Variants in CFAP97 observed in about 807,000 individuals in gnomAD.
The protein encoded by CFAP97 is cilia- and flagella-associated protein 97.
CFAP97 carries 36 observed loss-of-function variants against 43.1 expected under a neutral mutation model. That is an observed-to-expected ratio of 0.84 (90% confidence interval 0.64 to 1.10). The LOEUF is 1.10. Among genes scored for constraint, CFAP97 ranks in the 50% least tolerant of loss-of-function variants. The probability of loss-of-function intolerance (pLI) is 0.00; values close to 1 mark genes in which losing one functional copy is unlikely to be tolerated. For missense variants in CFAP97, 657 were observed against 620.3 expected, an observed-to-expected ratio of 1.06 and a Z score of -0.63; for synonymous variants, 228 against 225.7, an observed-to-expected ratio of 1.01 and a Z score of -0.09.
chr4:185,206,660 CAAAA>C (rs375061067), upstream of CFAP97, among the ~76,000 whole-genome samples: 3 of 77,438 alleles, frequency 3.9e-5, no homozygotes, highest in African/African-American at 1.0e-4. Context: ...ACTCTTGTCT[CAAAA>C]AAAAAAAAAA....
chr4:185,180,313 C>T (rs1735732510), intron 2 of CFAP97, among the ~76,000 whole-genome samples: 1 of 152,102 alleles, frequency 6.6e-6, no homozygotes, highest in Non-Finnish European at 1.5e-5. Flanking sequence ...TTTAAGTATA[C>T]AGTTCAGTGG....
chr4:185,183,640 T>C (rs753311557), intron 2 of CFAP97, among the ~76,000 whole-genome samples: 1 of 152,238 alleles, frequency 6.6e-6, no homozygotes, highest in Non-Finnish European at 1.5e-5. Context: ...TGAATGATAA[T>C]TTTGAAAAAT....
In CFAP97 at chr4:185,190,233, T is replaced by C; in HGVS notation, c.964A>G (p.Lys322Glu). The change falls in exon 2 of 5, where the codon AAG becomes GAG. Residue 322 changes from lysine (K) to glutamate (E), a missense_variant. Coordinates refer to ENST00000458385, the MANE Select transcript of CFAP97 (RefSeq NM_020827.3). ...CTGGAGTCTAACACTGAAGACGACT[T>C]TGAGGAGACATCAGGCTCATGTTTT... ...KEKHEPDVSSKSSSVLDSSLD... is the reference protein window; with the variant it reads ...KEKHEPDVSSESSSVLDSSLD... 6.2e-7 allele frequency: 1 copy of C among 1,613,744 alleles called. No homozygotes were observed. Among genetic ancestry groups the C allele is most frequent in the Non-Finnish European group, 8.5e-7 (1 of 1,179,792 alleles).
intron 1 of CFAP97, 55 bp from the exon 2 acceptor site, chr4:185,191,267 T>C: frequency 8.5e-7 from 1 of 1,174,214 alleles, no homozygotes; most frequent in East Asian, 2.7e-5. Flanking sequence ...TACTTTCCAT[T>C]TGTATACAAT....
At chr4:185,168,364 C>T (rs1213398761) in intron 3 of CFAP97, among the ~76,000 whole-genome samples, 8 of 151,118 alleles carry the variant, frequency 5.3e-5, no homozygotes, top group African/African-American at 1.2e-4. Flanking sequence ...CCCAGCACTT[C>T]GGGAGGCTGA....
Position 185,175,571 on chromosome 4 carries a change from T to C in CFAP97, c.1320+215A>G, listed in dbSNP as rs1454052449. 2.6e-5 allele frequency among the ~76,000 whole-genome samples: 4 copies of C among 152,204 alleles called. 1 individual carries two copies. The highest frequency in any genetic ancestry group is 5.9e-5 in the Non-Finnish European group (4 of 68,030). On this transcript the variant is annotated intron_variant, in intron 3 of 4. Transcript: ENST00000458385. ...AATTATATGCGTGACCCACTGCATCTGGCCAGTGGTCTCTTAATATATAGT... is the reference window on the plus strand; with the variant it reads ...AATTATATGCGTGACCCACTGCATCCGGCCAGTGGTCTCTTAATATATAGT...
chr4:185,190,651 T>C lies in CFAP97; in HGVS notation c.546A>G (p.Ser182=). 1 of 1,585,356 alleles carries C rather than the reference T, an allele frequency of 6.3e-7. No homozygotes were observed. Among genetic ancestry groups the C allele is most frequent in the Non-Finnish European group, 8.6e-7 (1 of 1,164,664 alleles). ...CATCTAAACAATCTGTACCTGAACCTGAAGATGAGGAAGATAAAGAGGAGG... is the reference window on the plus strand; with the variant it reads ...CATCTAAACAATCTGTACCTGAACCCGAAGATGAGGAAGATAAAGAGGAGG... ...SSSSSLSSSS[S]GSGTDCLDAG... The change falls in exon 2 of 5, where the codon TCA becomes TCG. Residue 182 remains serine, a synonymous_variant. Transcript: ENST00000458385.
At position 185,190,664 on chromosome 4, in the gene CFAP97, G is replaced by A. The variant is rs574401011; in HGVS notation, c.533C>T (p.Ser178Phe). ...TGTACCTGAACCTGAAGATGAGGAA[G>A]ATAAAGAGGAGGAGGAAGAGGAGCT... ...KVSSSSSSSL[S>F]SSSSGSGTDC... The change falls in exon 2 of 5, where the codon TCT (serine) becomes TTT (phenylalanine). Residue 178 changes from serine to phenylalanine, a missense_variant. Ser to Phe is a radical substitution (Grantham distance 155). Coordinates refer to ENST00000458385, the MANE Select transcript of CFAP97 (RefSeq NM_020827.3). 6.3e-6 allele frequency: 10 copies of A among 1,579,056 alleles called. No individual in the cohort carries two copies. In the Admixed American group the frequency reaches 1.3e-4, roughly 21 times the overall value.
intron 3 of CFAP97, among the ~76,000 whole-genome samples, chr4:185,171,394 A>T (rs1044931149): frequency 3.3e-5 from 5 of 152,204 alleles, no homozygotes; most frequent in Non-Finnish European, 7.3e-5. Context: ...TTTTATTTAC[A>T]CACATAATCT....
At chr4:185,198,362 G>A (rs1406014544) in intron 1 of CFAP97, among the ~76,000 whole-genome samples, 1 of 151,526 alleles carries the variant, frequency 6.6e-6, no homozygotes, top group Non-Finnish European at 1.5e-5. Flanking sequence ...AGAATCCTTT[G>A]AACTGGGAAG....
chr4:185,202,578 G>A (rs1352980243), intron 1 of CFAP97, among the ~76,000 whole-genome samples: 1 of 149,194 alleles, frequency 6.7e-6, no homozygotes, highest in Non-Finnish European at 1.5e-5. Context: ...AAATCACCGG[G>A]TTTCAACCCA....
At chr4:185,198,651 T>C (rs1165109563) in intron 1 of CFAP97, among the ~76,000 whole-genome samples, 1 of 151,610 alleles carries the variant, frequency 6.6e-6, no homozygotes, top group Non-Finnish European at 1.5e-5. Flanking sequence ...TAGCCGGGTG[T>C]GGTGGCGCAT....
intron 2 of CFAP97, among the ~76,000 whole-genome samples, 190 bp downstream of exon 2, chr4:185,189,953 T>C (rs1263023985): frequency 1.3e-5 from 2 of 152,212 alleles, no homozygotes; most frequent in Admixed American, 1.3e-4. Flanking sequence ...CAAATTACTA[T>C]ACAAAATAAT....
In CFAP97 at chr4:185,203,929, C is replaced by A. The variant is rs2111440766; in HGVS notation, c.-48G>T. ...GCCGCGGCCACCACAGCCCCACGCG[C>A]GGCGCTGGCGCACTCCCGCGGCCCT... On this transcript the variant is annotated 5_prime_UTR_variant, in exon 1 of 5. Coordinates refer to ENST00000458385, the MANE Select transcript of CFAP97 (RefSeq NM_020827.3). The A allele has an allele frequency of 1.3e-5, 2 of 151,684 alleles. No individual in the cohort carries two copies. Among genetic ancestry groups the A allele is most frequent in the Middle Eastern group, 6.8e-3 (2 of 292 alleles). 9.4% of individuals were successfully genotyped at this position (151,684 alleles called of 1,614,324 possible).
At chr4:185,195,976 T>C (rs1428633867) in intron 1 of CFAP97, among the ~76,000 whole-genome samples, 1 of 152,234 alleles carries the variant, frequency 6.6e-6, no homozygotes. Context: ...TGTTGTTTTT[T>C]CCTTTCTTAC....
chr4:185,201,952 C>T (rs904907868), intron 1 of CFAP97, among the ~76,000 whole-genome samples: 1 of 152,182 alleles, frequency 6.6e-6, no homozygotes, highest in East Asian at 1.9e-4. Context: ...TAAAAATTAA[C>T]ATAAAATACG....
At chr4:185,165,708 T>C (rs1328972424) in intron 3 of CFAP97, among the ~76,000 whole-genome samples, 1 of 152,276 alleles carries the variant, frequency 6.6e-6, no homozygotes, top group East Asian at 1.9e-4. Flanking sequence ...TTTACTGTGG[T>C]AAAATGAAAC....
intron 3 of CFAP97, among the ~76,000 whole-genome samples, chr4:185,170,618 T>C (rs1376605930): frequency 6.6e-6 from 1 of 151,650 alleles, no homozygotes; most frequent in Non-Finnish European, 1.5e-5. Context: ...TTCGCCATGT[T>C]AGCCAGGGTG....
chr4:185,190,280 T>C lies in CFAP97; in HGVS notation c.917A>G (p.Lys306Arg). The C allele has an allele frequency of 1.2e-6, 2 of 1,611,438 alleles. No individual in the cohort carries two copies. The highest frequency in any genetic ancestry group is 1.7e-6 in the Non-Finnish European group (2 of 1,178,340). The change falls in exon 2 of 5, where the codon AAA becomes AGA. Residue 306 changes from lysine (K) to arginine (R), a missense_variant. By Grantham distance (26) the Lys-to-Arg change is conservative. Transcript: ENST00000458385. ...EDLKNNSKYL[K>R]AAKKGKEKHE... ...TTTTTCTTTCCCTTTTTTGGCTGCT[T>C]TCAAATATTTTGAATTATTTTTCAA...
Sources: allele counts gnomAD v4.1 joint callset (sites outside exome capture counted in the v4.1 genomes callset), GRCh38; gene constraint gnomAD v4.1.1; transcripts MANE v1.5; gene names NCBI Gene and HGNC (gene_info 2026-07-23, HGNC 2026-07-21).